DLG2: variants seen among roughly 807,000 people sequenced by gnomAD.
DLG2 encodes discs large MAGUK scaffold protein 2.
Under a neutral mutation model 132.5 loss-of-function variants are expected in DLG2, and 45 were observed. The observed-to-expected ratio is 0.34, with a 90% CI of 0.27 to 0.44. The LOEUF (loss-of-function observed/expected upper bound fraction) is 0.44, where lower values mean the gene tolerates loss of function less well. Ranked by LOEUF, DLG2 falls within the 20% of genes least tolerant of loss-of-function variation. The pLI is 1.00. For missense variants in DLG2, 1,045 were observed against 1,196.9 expected, an observed-to-expected ratio of 0.87 and a Z score of 1.87; for synonymous variants, 424 against 419.6, an observed-to-expected ratio of 1.01 and a Z score of -0.13.
At chr11:83,967,586 G>A (rs2090483272) in intron 12 of DLG2, among the ~76,000 whole-genome samples, 2 of 152,048 alleles carry the variant, frequency 1.3e-5, no homozygotes, top group South Asian at 4.1e-4. Flanking sequence ...TCCTGTTAAT[G>A]TTTTTCTACT....
chr11:84,185,641 T>C (rs919621561), intron 8 of DLG2, among the ~76,000 whole-genome samples: 2 of 152,188 alleles, frequency 1.3e-5, no homozygotes, highest in Non-Finnish European at 2.9e-5. Flanking sequence ...GGCATCCCTG[T>C]CTTGTGCCAG....
chr11:84,597,504 G>A (rs1219420858), intron 6 of DLG2, among the ~76,000 whole-genome samples: 4 of 152,172 alleles, frequency 2.6e-5, no homozygotes, highest in Non-Finnish European at 4.4e-5. Flanking sequence ...AATGATGGGT[G>A]AAATGATAAT....
intron 7 of DLG2, among the ~76,000 whole-genome samples, chr11:84,382,817 A>G (rs1168829834): frequency 6.6e-6 from 1 of 151,786 alleles, no homozygotes; most frequent in African/African-American, 2.4e-5. Flanking sequence ...TATAATTGAT[A>G]CCATATTAGT....
intron 21 of DLG2, among the ~76,000 whole-genome samples, chr11:83,503,134 G>C (rs2094517780): frequency 6.6e-6 from 1 of 151,648 alleles, no homozygotes; most frequent in African/African-American, 2.4e-5. Context: ...GGGGCATGAA[G>C]AAGGCAGGAT....
chr11:84,597,753 T>C (rs893144033), intron 6 of DLG2, among the ~76,000 whole-genome samples: 5 of 152,170 alleles, frequency 3.3e-5, no homozygotes, highest in African/African-American at 1.2e-4. Flanking sequence ...ATTGATCAAT[T>C]ACAGCATCAG....
intron 7 of DLG2, among the ~76,000 whole-genome samples, chr11:84,505,896 G>A (rs1279689026): frequency 1.3e-5 from 2 of 151,884 alleles, no homozygotes; most frequent in Admixed American, 6.6e-5. Flanking sequence ...GGTTGTAGTA[G>A]GCCGAAGAAA....
intron 8 of DLG2, among the ~76,000 whole-genome samples, chr11:84,178,277 A>C (rs2096022590): frequency 6.6e-6 from 1 of 152,168 alleles, no homozygotes; most frequent in Non-Finnish European, 1.5e-5. Flanking sequence ...GAAGTAGTCT[A>C]AGGTTGCAAT....
intron 6 of DLG2, among the ~76,000 whole-genome samples, chr11:84,610,502 G>A (rs144228663): frequency 6.6e-6 from 1 of 152,180 alleles, no homozygotes; most frequent in East Asian, 1.9e-4. Flanking sequence ...TGGAAGAGAA[G>A]TCAGGTGGAT....
chr11:84,162,262 C>T (rs577618015), intron 9 of DLG2, among the ~76,000 whole-genome samples: 63 of 152,070 alleles, frequency 4.1e-4, no homozygotes, highest in African/African-American at 1.5e-3. Context: ...GAGTTAGCCA[C>T]CAACATGTGT....
At chr11:85,433,071 CT>C (rs764345536) in intron 3 of DLG2, among the ~76,000 whole-genome samples, 2 of 152,140 alleles carry the variant, frequency 1.3e-5, no homozygotes, top group Non-Finnish European at 2.9e-5. Flanking sequence ...CCAAACTAAG[CT>C]TCATCAGCAA....
chr11:84,173,881 C>T (rs1363871598), intron 8 of DLG2, among the ~76,000 whole-genome samples: 2 of 152,104 alleles, frequency 1.3e-5, no homozygotes, highest in Non-Finnish European at 2.9e-5. Flanking sequence ...TCTATCCTTG[C>T]TAGTCTCCTC....
At chr11:85,028,525 C>A (rs1166606698) in intron 6 of DLG2, among the ~76,000 whole-genome samples, 3 of 152,162 alleles carry the variant, frequency 2.0e-5, no homozygotes, top group African/African-American at 7.2e-5. Flanking sequence ...TCAGTGCCCC[C>A]TCAGCCTCCC....
chr11:83,785,062 A>ATT (rs11383027), intron 18 of DLG2, among the ~76,000 whole-genome samples: 31 of 150,122 alleles, frequency 2.1e-4, no homozygotes, highest in African/African-American at 5.9e-4. Context: ...ATGGATACTT[A>ATT]TTTTTTTTTT....
At chr11:85,623,529 T>C (rs1423689992) in intron 2 of DLG2, among the ~76,000 whole-genome samples, 1 of 152,136 alleles carries the variant, frequency 6.6e-6, no homozygotes, top group Non-Finnish European at 1.5e-5. Flanking sequence ...GGTCTTGAAC[T>C]CCTGACCTCA....
intron 26 of DLG2, among the ~76,000 whole-genome samples, chr11:83,462,940 G>A (rs566427130): frequency 6.6e-6 from 1 of 151,468 alleles, no homozygotes; most frequent in Non-Finnish European, 1.5e-5. Context: ...GGGTCTTCCA[G>A]GTGTTAAAAA....
chr11:84,937,069 T>C (rs190210013), intron 6 of DLG2, among the ~76,000 whole-genome samples: 1 of 152,098 alleles, frequency 6.6e-6, no homozygotes, highest in African/African-American at 2.4e-5. Flanking sequence ...GGAGAACTGC[T>C]TGAACCCAGG....
At chr11:84,297,953 T>TAGG (rs2098112695) in intron 7 of DLG2, among the ~76,000 whole-genome samples, 1 of 152,166 alleles carries the variant, frequency 6.6e-6, no homozygotes. Flanking sequence ...ATCTCTCAAG[T>TAGG]AGGAACTCAA....
intron 2 of DLG2, among the ~76,000 whole-genome samples, chr11:85,603,188 G>C (rs932284119): frequency 6.6e-6 from 1 of 152,132 alleles, no homozygotes; most frequent in Non-Finnish European, 1.5e-5. Flanking sequence ...CACTTTACTT[G>C]CGTAATGTTT....
rs529806298 is a variant in DLG2, at chr11:85,532,063, C to T, written c.40+66594G>A. Among the ~76,000 whole-genome samples the T allele has an allele frequency of 1.3e-4, 20 of 152,144 alleles. No individual in the cohort carries two copies. The East Asian group carries it at 3.7e-3, about 28-fold the overall frequency. ...ATATAAAGAAAAAAGTTGTTTAATA[C>T]ATTTAGGTATAGTTTATATGCAATA... On this transcript the variant is annotated intron_variant, in intron 3 of 27. Coordinates refer to ENST00000376104, the MANE Select transcript of DLG2 (RefSeq NM_001142699.3).
Sources: allele counts gnomAD v4.1 joint callset (sites outside exome capture counted in the v4.1 genomes callset), GRCh38; gene constraint gnomAD v4.1.1; transcripts MANE v1.5; gene names NCBI Gene and HGNC (gene_info 2026-07-23, HGNC 2026-07-21).